The following MICOS13 variants were observed in gnomAD, a reference collection of about 807,000 sequenced individuals.
The protein encoded by MICOS13 is mitochondrial contact site and cristae organizing system subunit 13, also known as MICOS complex subunit MIC13.
In MICOS13, 15 loss-of-function variants were observed where a neutral mutation model predicts 16.1. That is an observed-to-expected ratio of 0.93 (90% CI 0.62 to 1.44). MICOS13 has a LOEUF of 1.44. MICOS13 is among the 40% of genes most tolerant of loss of function. The pLI is 0.00. For missense variants in MICOS13, 164 were observed against 155.0 expected, an observed-to-expected ratio of 1.06 and a Z score of -0.31; for synonymous variants, 61 against 62.6, an observed-to-expected ratio of 0.97 and a Z score of 0.12.
intron 1 of MICOS13, chr19:5,679,993 G>A (rs1001876063): frequency 3.4e-6 from 5 of 1,477,538 alleles, no homozygotes; most frequent in East Asian, 4.9e-5. Flanking sequence ...AACCCAGAGG[G>A]GGAGAGTGGG....
At chr19:5,679,462 G>A in intron 2 of MICOS13, 66 bp from the exon 3 acceptor site, 4 of 1,595,786 alleles carry the variant, frequency 2.5e-6, no homozygotes, top group East Asian at 2.2e-5. Flanking sequence ...CAGAGGCGGA[G>A]GGAGGAGGAC....
At position 5,680,463 on chromosome 19, in the gene MICOS13, C is replaced by T; in HGVS notation, c.24G>A (p.Leu8=). Residue 8 remains leucine (L), a synonymous_variant, in exon 1 of 4, where the codon CTG becomes CTA. Coordinates refer to ENST00000309324, the MANE Select transcript of MICOS13 (RefSeq NM_205767.3). ...CCTCCGGCGCCCCCACGCACCTCAT[C>T]AGCGACCACACCCGGGCCACCATGG... is the stretch of plus-strand genomic sequence containing the variant. MVARVWS[L]MRFLIKGSVA... The T allele has an allele frequency of 6.2e-7, 1 of 1,612,004 alleles. No homozygotes were observed. The highest frequency in any genetic ancestry group is 8.5e-7 in the Non-Finnish European group (1 of 1,179,646).
chr19:5,680,188 C>A, intron 1 of MICOS13: 2 of 1,537,506 alleles, frequency 1.3e-6, no homozygotes, highest in Non-Finnish European at 1.7e-6. Context: ...TCCCACCTCA[C>A]AGAGAAGACA....
In MICOS13 at chr19:5,679,332, C is replaced by T. The variant is rs1766470643; in HGVS notation, c.259+13G>A. 1 of 1,611,646 alleles carries T rather than the reference C, an allele frequency of 6.2e-7. No individual in the cohort carries two copies. Among genetic ancestry groups the T allele is most frequent in the African/African-American group, 1.3e-5 (1 of 74,966 alleles). On this transcript the variant is annotated intron_variant, in intron 3 of 3. Coordinates refer to ENST00000309324, the MANE Select transcript of MICOS13 (RefSeq NM_205767.3). ...GGGTGTCTCCCTCCAAGCAAAGAAA[C>T]TGGGTGCCTTACCTGCATTCCAGGA... is the stretch of plus-strand genomic sequence containing the variant.
In MICOS13 at chr19:5,679,731, G is replaced by A. The variant is rs747350887; in HGVS notation, c.62C>T (p.Ala21Val). 1 of 1,608,514 alleles carries A rather than the reference G, an allele frequency of 6.2e-7. No individual in the cohort carries two copies. Among genetic ancestry groups the A allele is most frequent in the Non-Finnish European group, 8.5e-7 (1 of 1,178,908 alleles). The change falls in exon 2 of 4, where the codon GCC (alanine) becomes GTC (valine). Residue 21 changes from alanine to valine, a missense_variant. Transcript: ENST00000309324. The part of the protein sequence containing the change: ...FLIKGSVAGG[A>V]VYLVYDQELL... ...CTCCTGGTCGTACACCAGGTAGACG[G>A]CGCCCCCAGCCACACTTCCCTTGAT...
In MICOS13 at chr19:5,679,576, C is replaced by T; in HGVS notation, c.207+10G>A. The T allele has an allele frequency of 6.2e-7, 1 of 1,608,054 alleles. No homozygotes were observed. Among genetic ancestry groups the T allele is most frequent in the East Asian group, 2.2e-5 (1 of 44,796 alleles). On this transcript the variant is annotated intron_variant, in intron 2 of 3. Coordinates refer to ENST00000309324, the MANE Select transcript of MICOS13 (RefSeq NM_205767.3). ...CGCCAAACCCTGGCCTCGTTCCCGG[C>T]CCGTAGTACCTGGGGTATCTGCAGG...
chr19:5,678,695 C>T, intron 3 of MICOS13, 47 bp from the exon 4 acceptor site: 1 of 1,416,900 alleles, frequency 7.1e-7, no homozygotes, highest in Non-Finnish European at 9.4e-7. Flanking sequence ...CCCAGCCTCA[C>T]CCAGCCTCCA....
intron 1 of MICOS13, 68 bp downstream of exon 1, chr19:5,680,390 G>A (rs1451761807): frequency 6.2e-7 from 1 of 1,607,960 alleles, no homozygotes; most frequent in Non-Finnish European, 8.5e-7. Context: ...GGACCAGACT[G>A]GAGACAGGGA....
rs1448379981 is a variant in MICOS13 at position 5,678,565 on chromosome 19, C to A, written c.343G>T (p.Ala115Ser). The change falls in exon 4 of 4, where the codon GCG (alanine) becomes TCG (serine). Residue 115 changes from alanine to serine, a missense_variant. Transcript: ENST00000309324. Reference protein sequence around the residue: ...YSKEGWEYVKARTK With the variant: ...YSKEGWEYVKSRTK ...CTGCTGACTCGCTACTTGGTGCGCG[C>A]CTTCACATACTCCCAGCCCTCCTTG... is the stretch of plus-strand genomic sequence containing the variant. The A allele has an allele frequency of 6.5e-7, 1 of 1,549,478 alleles. No individual in the cohort carries two copies.
chr19:5,679,170 C>T, intron 3 of MICOS13, 175 bp downstream of exon 3: 1 of 682,412 alleles, frequency 1.5e-6, no homozygotes, highest in East Asian at 2.9e-5. Context: ...CCTCAGCCTC[C>T]CAAAGTGCTG....
chr19:5,680,227 C>A (rs764942976), intron 1 of MICOS13: 1 of 1,547,396 alleles, frequency 6.5e-7, no homozygotes, highest in South Asian at 1.2e-5. Context: ...AGGCTGACAC[C>A]GCGAACTGAA....
intron 1 of MICOS13, 71 bp downstream of exon 1, chr19:5,680,387 A>G: frequency 1.2e-6 from 2 of 1,607,710 alleles, no homozygotes; most frequent in Non-Finnish European, 1.7e-6. Flanking sequence ...TCGGGACCAG[A>G]CTGGAGACAG....
intron 1 of MICOS13, chr19:5,680,200 C>T (rs1357745376): frequency 1.3e-6 from 2 of 1,538,686 alleles, no homozygotes; most frequent in East Asian, 2.4e-5. Flanking sequence ...GAGAAGACAA[C>T]TGAGGCTCGG....
chr19:5,679,379 C>G lies in MICOS13; in HGVS notation c.225G>C (p.Lys75Asn). The change falls in exon 3 of 4, where the codon AAG becomes AAC. Residue 75 changes from lysine to asparagine, a missense_variant. Lys to Asn is a moderately conservative substitution (Grantham distance 94). Transcript: ENST00000309324. ...LQIPQLPAPP[K>N]IYFPIRDSWN... ...AGGAGTCACGGATGGGAAAGTAAAT[C>G]TTTGGAGGGGCTGGGAGCTGGGAAA... 2 of 1,613,616 alleles carry G rather than the reference C, an allele frequency of 1.2e-6. No individual in the cohort carries two copies. Among genetic ancestry groups the G allele is most frequent in the Non-Finnish European group, 1.7e-6 (2 of 1,179,850 alleles).
intron 1 of MICOS13, chr19:5,679,983 AACCC>A: frequency 1.4e-6 from 2 of 1,469,580 alleles, no homozygotes; most frequent in Non-Finnish European, 9.0e-7. Flanking sequence ...GATGAACTGA[AACCC>A]AGAGGGGGAG....
At position 5,680,456 on chromosome 19, in the gene MICOS13, ACCT is replaced by A; in HGVS notation, c.28_29+1del. On this transcript the variant is annotated splice_donor_variant and coding_sequence_variant, in exon 1 of 4. Transcript: ENST00000309324. LOFTEE classifies it high-confidence loss of function. ...CGGGTCCCCTCCGGCGCCCCCACGC[ACCT>A]CATCAGCGACCACACCCGGGCCACC... 1 of 1,612,342 alleles carries A rather than the reference ACCT, an allele frequency of 6.2e-7. No individual in the cohort carries two copies. Among genetic ancestry groups the A allele is most frequent in the South Asian group, 1.1e-5 (1 of 91,052 alleles).
chr19:5,680,345 G>A, intron 1 of MICOS13, 113 bp downstream of exon 1: 1 of 1,605,516 alleles, frequency 6.2e-7, no homozygotes, highest in Non-Finnish European at 8.5e-7. Context: ...GGGAACGAAG[G>A]GGAAGTGACT....
chr19:5,680,349 A>T, intron 1 of MICOS13, 109 bp downstream of exon 1: 3 of 1,603,900 alleles, frequency 1.9e-6, no homozygotes, highest in Non-Finnish European at 2.6e-6. Context: ...ACGAAGGGGA[A>T]GTGACTCTAA....
intron 3 of MICOS13, 165 bp from the exon 4 acceptor site, chr19:5,678,813 C>G (rs2054478521): frequency 6.9e-6 from 4 of 575,696 alleles, no homozygotes; most frequent in Non-Finnish European, 1.2e-5. Flanking sequence ...GCAATCTCGG[C>G]TCACTGCAAC....
Sources: allele counts gnomAD v4.1 joint callset, GRCh38; gene constraint gnomAD v4.1.1; transcripts MANE v1.5; gene names NCBI Gene and HGNC (gene_info 2026-07-23, HGNC 2026-07-21).